FBXL13: variants seen among roughly 807,000 people sequenced by gnomAD.
FBXL13 encodes F-box and leucine rich repeat protein 13, also known as F-box and leucine-rich repeat protein 13.
Under a neutral mutation model 83.6 loss-of-function variants are expected in FBXL13, and 67 were observed. The ratio of observed to expected loss-of-function variants is 0.80; its 90% confidence interval spans 0.66 to 0.98. The LOEUF is 0.98. Ranked by LOEUF, FBXL13 falls within the 50% of genes least tolerant of loss-of-function variation. The probability of loss-of-function intolerance (pLI) is 0.00; values close to 1 mark genes in which losing one functional copy is unlikely to be tolerated. For missense variants in FBXL13, 822 were observed against 866.5 expected, an observed-to-expected ratio of 0.95 and a Z score of 0.64; for synonymous variants, 272 against 299.5, an observed-to-expected ratio of 0.91 and a Z score of 0.95.
intron 6 of FBXL13, among the ~76,000 whole-genome samples, chr7:103,021,567 T>A (rs1033080679): frequency 6.6e-6 from 1 of 152,030 alleles, no homozygotes; most frequent in African/African-American, 2.4e-5. Flanking sequence ...TGGGAGAAAA[T>A]TTTTGCAATC....
chr7:103,003,292 T>TTTG (rs1790618284), intron 6 of FBXL13, among the ~76,000 whole-genome samples: 2 of 127,632 alleles, frequency 1.6e-5, no homozygotes, highest in South Asian at 5.3e-4. Flanking sequence ...TTTTTTTTTT[T>TTTG]TTTTTTTTTT....
Position 102,822,033 on chromosome 7 carries a change from T to C in FBXL13, c.2018+7A>G. 6.2e-7 allele frequency: 1 copy of C among 1,614,132 alleles called. No individual in the cohort carries two copies. Among genetic ancestry groups the C allele is most frequent in the African/African-American group, 1.3e-5 (1 of 75,078 alleles). ...CAAAAGTTTGTCATAGTCAGGTACATACTTACTTGGAAATATTTGTGCAGT... is the reference window on the plus strand; with the variant it reads ...CAAAAGTTTGTCATAGTCAGGTACACACTTACTTGGAAATATTTGTGCAGT... On this transcript the variant is annotated splice_region_variant and intron_variant, in intron 19 of 19. Transcript: ENST00000313221.
intron 1 of FBXL13, among the ~76,000 whole-genome samples, chr7:103,060,032 A>ACTT (rs1797720730): frequency 1.1e-5 from 1 of 87,596 alleles, no homozygotes; most frequent in Non-Finnish European, 2.2e-5. Flanking sequence ...ATATATATAT[A>ACTT]TATATATATA....
chr7:102,926,293 T>A, exon 10 of FBXL13: 1 of 1,613,788 alleles, frequency 6.2e-7, no homozygotes, highest in South Asian at 1.1e-5. Flanking sequence ...AGTCGCATCG[T>A]CCTGTTGGTG....
chr7:102,847,468 T>C (rs953051962), intron 17 of FBXL13, among the ~76,000 whole-genome samples: 1 of 152,176 alleles, frequency 6.6e-6, no homozygotes, highest in African/African-American at 2.4e-5. Context: ...AAATGGATGA[T>C]TAATTTTTAA....
At chr7:102,940,452 C>T (rs544162323) in intron 8 of FBXL13, among the ~76,000 whole-genome samples, 11 of 152,008 alleles carry the variant, frequency 7.2e-5, no homozygotes, top group Admixed American at 2.6e-4. Flanking sequence ...CCTCATGATC[C>T]GCCCACCTCA....
chr7:102,984,890 A>T (rs1364480269), intron 6 of FBXL13, among the ~76,000 whole-genome samples: 2 of 152,248 alleles, frequency 1.3e-5, no homozygotes, highest in African/African-American at 2.4e-5. Context: ...GAACAAATAA[A>T]TTTTTTGTAT....
chr7:102,973,443 T>C, intron 6 of FBXL13: 1 of 728,406 alleles, frequency 1.4e-6, no homozygotes, highest in Non-Finnish European at 2.5e-6. Context: ...CTGGGACAAT[T>C]CCTGTTTACG....
At chr7:103,041,153 G>A (rs539828973) in intron 2 of FBXL13, among the ~76,000 whole-genome samples, 33 of 152,196 alleles carry the variant, frequency 2.2e-4, no homozygotes, top group African/African-American at 6.0e-4. Context: ...TATAACCACC[G>A]ATCCCACAGA....
intron 8 of FBXL13, among the ~76,000 whole-genome samples, chr7:102,951,890 T>C (rs1823480874): frequency 6.6e-6 from 1 of 152,014 alleles, no homozygotes; most frequent in African/African-American, 2.4e-5. Context: ...AGGGTTTTTT[T>C]GAATATCCAT....
At chr7:103,022,147 G>A (rs985288322) in intron 6 of FBXL13, among the ~76,000 whole-genome samples, 1 of 152,140 alleles carries the variant, frequency 6.6e-6, no homozygotes, top group African/African-American at 2.4e-5. Context: ...ATACTATGCA[G>A]CCATAAAAAA....
exon 4 of FBXL13, chr7:103,028,654 A>C (rs751559504): frequency 1.9e-6 from 3 of 1,602,196 alleles, no homozygotes; most frequent in Non-Finnish European, 2.6e-6. Context: ...TGAAATACAG[A>C]TTTTTGAAGT....
chr7:102,871,271 T>G (rs934529173), intron 16 of FBXL13, among the ~76,000 whole-genome samples: 5 of 152,158 alleles, frequency 3.3e-5, no homozygotes, highest in African/African-American at 1.2e-4. Flanking sequence ...AGATTCTAAC[T>G]CAATCTGATA....
intron 6 of FBXL13, among the ~76,000 whole-genome samples, chr7:102,984,548 T>A (rs1227793997): frequency 6.6e-6 from 1 of 152,210 alleles, no homozygotes; most frequent in Non-Finnish European, 1.5e-5. Context: ...AAGAGAAGAT[T>A]GATGTCCCAG....
intron 17 of FBXL13, among the ~76,000 whole-genome samples, chr7:102,845,048 G>A (rs573381681): frequency 1.3e-5 from 2 of 152,066 alleles, no homozygotes; most frequent in Non-Finnish European, 2.9e-5. Flanking sequence ...GGATGTGTTC[G>A]CCAACCTGGA....
At chr7:102,833,848 C>A (rs1199835662) in intron 17 of FBXL13, among the ~76,000 whole-genome samples, 6 of 151,916 alleles carry the variant, frequency 3.9e-5, no homozygotes. Context: ...ATCAATACTT[C>A]TTAATTTTCA....
At chr7:103,067,630 C>T (rs990434354) in intron 1 of FBXL13, among the ~76,000 whole-genome samples, 3 of 152,172 alleles carry the variant, frequency 2.0e-5, no homozygotes, top group Admixed American at 2.0e-4. Context: ...CTGTCAGTCT[C>T]AGGAGAGGTC....
At chr7:102,869,775 T>C (rs951272898) in intron 16 of FBXL13, among the ~76,000 whole-genome samples, 1 of 152,200 alleles carries the variant, frequency 6.6e-6, no homozygotes, top group Non-Finnish European at 1.5e-5. Flanking sequence ...TTTTCAAAAA[T>C]CAGCTCGCTA....
chr7:102,950,428 C>G (rs1166912866), intron 8 of FBXL13, among the ~76,000 whole-genome samples: 2 of 152,142 alleles, frequency 1.3e-5, no homozygotes, highest in East Asian at 3.8e-4. Flanking sequence ...AATGGTACAG[C>G]CAACTTTGGA....
Sources: gnomAD v4.1 joint callset for allele counts (sites outside exome capture counted in the v4.1 genomes callset) on GRCh38, gnomAD v4.1.1 for gene constraint, MANE v1.5 for transcripts, NCBI Gene and HGNC (gene_info 2026-07-23, HGNC 2026-07-21) for gene names.